Variants in GRIN2B observed in about 807,000 individuals in gnomAD.
The protein encoded by GRIN2B is glutamate ionotropic receptor NMDA type subunit 2B.
Under a neutral mutation model 114.5 loss-of-function variants are expected in GRIN2B, and 5 were observed. The observed-to-expected ratio is 0.04, with a 90% confidence interval of 0.02 to 0.09. The LOEUF is 0.09. Ranked by LOEUF, GRIN2B falls within the 10% of genes least tolerant of loss-of-function variation. The pLI is 1.00. For missense variants in GRIN2B, 1,108 were observed against 1,943.5 expected (o/e 0.57, Z 8.08); for synonymous variants, 787 against 745.1 (o/e 1.06, Z -0.92).
At chr12:13,734,276 G>C (rs1044061679) in intron 4 of GRIN2B, among the ~76,000 whole-genome samples, 1 of 152,210 alleles carries the variant, frequency 6.6e-6, no homozygotes, top group African/African-American at 2.4e-5. Context: ...ACAAGCTAAT[G>C]AGGATAGTGA....
intron 2 of GRIN2B, among the ~76,000 whole-genome samples, chr12:13,960,434 G>A (rs1315569755): frequency 6.6e-6 from 1 of 152,126 alleles, no homozygotes; most frequent in Non-Finnish European, 1.5e-5. Flanking sequence ...TTGACTCCAA[G>A]GCCCATGTTT....
At chr12:13,700,063 T>C (rs1054874038) in intron 4 of GRIN2B, among the ~76,000 whole-genome samples, 4 of 152,094 alleles carry the variant, frequency 2.6e-5, no homozygotes, top group Non-Finnish European at 2.9e-5. Flanking sequence ...AGCTCCAGAA[T>C]TTCAACAAAA....
In GRIN2B at chr12:13,731,970, T is replaced by C. The variant is rs1166392265; in HGVS notation, c.1010+21347A>G. ...CCTTTCAGGGTTCTCCATGACCTAT[T>C]GGTTAATAGTAACACTCATTCAGCC... On this transcript the variant is annotated intron_variant, in intron 4 of 13. Transcript: ENST00000609686. Among the ~76,000 whole-genome samples, 4 of 152,174 alleles carry C rather than the reference T, an allele frequency of 2.6e-5. No homozygotes were observed. In the East Asian group the frequency reaches 5.8e-4, roughly 22 times the overall value.
At chr12:13,758,390 G>A (rs1863616522) in intron 3 of GRIN2B, among the ~76,000 whole-genome samples, 1 of 152,090 alleles carries the variant, frequency 6.6e-6, no homozygotes, top group Non-Finnish European at 1.5e-5. Flanking sequence ...TTGCTTCAAA[G>A]AGAACATATC....
chr12:13,860,551 C>G (rs952736782), intron 3 of GRIN2B, among the ~76,000 whole-genome samples: 1 of 152,094 alleles, frequency 6.6e-6, no homozygotes, highest in African/African-American at 2.4e-5. Context: ...TCTCGAACTC[C>G]TTACTTAGGG....
intron 3 of GRIN2B, among the ~76,000 whole-genome samples, chr12:13,806,248 G>A (rs936899528): frequency 3.9e-5 from 6 of 152,116 alleles, no homozygotes; most frequent in African/African-American, 1.4e-4. Flanking sequence ...CCAAAAGTGG[G>A]ATTGCTGGGG....
chr12:13,879,301 G>T (rs145001296), intron 2 of GRIN2B, among the ~76,000 whole-genome samples: 1 of 152,182 alleles, frequency 6.6e-6, no homozygotes, highest in Non-Finnish European at 1.5e-5. Flanking sequence ...GATACTGTAG[G>T]CAGTTGTAAC....
chr12:13,927,982 A>AAAAAAG (rs71067738), intron 2 of GRIN2B, among the ~76,000 whole-genome samples: 1 of 129,804 alleles, frequency 7.7e-6, no homozygotes, highest in Non-Finnish European at 1.7e-5. Flanking sequence ...AAAAAAAAAA[A>AAAAAAG]GGGGGGGTAT....
intron 5 of GRIN2B, among the ~76,000 whole-genome samples, chr12:13,618,206 T>C (rs1304082483): frequency 2.0e-5 from 3 of 152,208 alleles, no homozygotes; most frequent in Non-Finnish European, 4.4e-5. Flanking sequence ...CCAGTGGAGA[T>C]ACTAATGTCC....
intron 2 of GRIN2B, among the ~76,000 whole-genome samples, chr12:13,905,933 G>A (rs558919495): frequency 6.6e-6 from 1 of 152,266 alleles, no homozygotes; most frequent in East Asian, 1.9e-4. Context: ...GGTTCTGAGA[G>A]TCCAGCTTAA....
intron 3 of GRIN2B, among the ~76,000 whole-genome samples, chr12:13,794,444 A>G (rs1125236): frequency 0.068 from 10,296 of 152,242 alleles, 511 homozygotes; most frequent in East Asian, 0.16. Flanking sequence ...AGAATGAGCT[A>G]TCACCAGAAC....
At chr12:13,622,737 TGAGA>T (rs902964367) in intron 5 of GRIN2B, among the ~76,000 whole-genome samples, 1 of 152,062 alleles carries the variant, frequency 6.6e-6, no homozygotes. Context: ...AGAGTATGTG[TGAGA>T]GAGAGAGCAG....
intron 2 of GRIN2B, among the ~76,000 whole-genome samples, chr12:13,900,475 C>CA (rs967592378): frequency 0.022 from 3,000 of 136,036 alleles, 267 homozygotes; most frequent in Admixed American, 0.18. Context: ...AACTCCATCT[C>CA]AAAAAAAAAA....
rs1948370389 is a variant in GRIN2B at position 13,548,223 on chromosome 12, C to T, written c.*14560G>A. The T allele has an allele frequency of 6.6e-6, 1 of 151,628 alleles. No homozygotes were observed. The highest frequency in any genetic ancestry group is 1.5e-5 in the Non-Finnish European group (1 of 67,920). The allele number at this position is 151,628 out of a possible 1,614,324, so 9.4% of individuals were successfully genotyped here. On this transcript the variant is annotated 3_prime_UTR_variant, in exon 14 of 14. Transcript: ENST00000609686. ...TGTCTTTCATAGGATAGCTAAGCACCCATGCCCCCTAAGGGATACTTGAAA... is the reference window on the plus strand; with the variant it reads ...TGTCTTTCATAGGATAGCTAAGCACTCATGCCCCCTAAGGGATACTTGAAA...
At chr12:13,846,129 G>A (rs185587525) in intron 3 of GRIN2B, among the ~76,000 whole-genome samples, 12 of 152,240 alleles carry the variant, frequency 7.9e-5, no homozygotes, top group Middle Eastern at 3.4e-3. Context: ...TAAGGGACTT[G>A]CCCAGAGTCA....
intron 3 of GRIN2B, among the ~76,000 whole-genome samples, chr12:13,847,735 A>G (rs1865494052): frequency 6.6e-6 from 1 of 152,116 alleles, no homozygotes; most frequent in Admixed American, 6.6e-5. Context: ...CAGAGAAGCC[A>G]AGAGGGGAAG....
intron 5 of GRIN2B, among the ~76,000 whole-genome samples, chr12:13,636,580 A>G (rs760407769): frequency 1.2e-4 from 19 of 152,138 alleles, no homozygotes; most frequent in Non-Finnish European, 2.5e-4. Flanking sequence ...ACAGGTGGAG[A>G]TAAGAGGATT....
chr12:13,747,064 T>C (rs942338127), intron 4 of GRIN2B, among the ~76,000 whole-genome samples: 1 of 151,778 alleles, frequency 6.6e-6, no homozygotes, highest in Admixed American at 6.6e-5. Context: ...TTTATCGAAA[T>C]GCAAAAAGGA....
intron 10 of GRIN2B, among the ~76,000 whole-genome samples, chr12:13,585,771 C>A (rs1229287277): frequency 6.6e-6 from 1 of 152,182 alleles, no homozygotes; most frequent in Non-Finnish European, 1.5e-5. Context: ...GAAACAGAGG[C>A]CTGGGAAATT....
Sources: allele counts gnomAD v4.1 joint callset (sites outside exome capture counted in the v4.1 genomes callset), GRCh38; gene constraint gnomAD v4.1.1; transcripts MANE v1.5; gene names NCBI Gene and HGNC (gene_info 2026-07-23, HGNC 2026-07-21).